Variants in STEAP4 observed in about 807,000 individuals in gnomAD.
The protein encoded by STEAP4 is metalloreductase STEAP4.
STEAP4 carries 36 observed loss-of-function variants against 43.6 expected under a neutral mutation model. That is an observed-to-expected ratio of 0.83 (90% CI 0.63 to 1.09). The LOEUF (loss-of-function observed/expected upper bound fraction) is 1.09, where lower values mean the gene tolerates loss of function less well. Ranked by LOEUF, STEAP4 falls within the 50% of genes least tolerant of loss-of-function variation. STEAP4 has a pLI of 0.00. For synonymous variants in STEAP4, 191 were observed against 196.7 expected (o/e 0.97, Z 0.24); for missense variants, 495 against 546.5 (o/e 0.91, Z 0.94).
chr7:88,282,686 A>G lies in STEAP4; in HGVS notation c.939T>C (p.Ile313=). The G allele has an allele frequency of 6.2e-7, 1 of 1,614,104 alleles. No individual in the cohort carries two copies. Among genetic ancestry groups the G allele is most frequent in the African/African-American group, 1.3e-5 (1 of 75,014 alleles). The change falls in exon 3 of 5, where the codon ATT becomes ATC. Residue 313 remains isoleucine, a synonymous_variant. Transcript: ENST00000380079. ...CCAATCTCCATCGTACATAATATCG[A>G]ATAGGAATCACAAGTGTGTAGAGGA... ...LHVLYTLVIP[I]RYYVRWRLGN...
intron 1 of STEAP4, among the ~76,000 whole-genome samples, chr7:88,303,222 G>A (rs892036820): frequency 4.1e-5 from 6 of 144,668 alleles, no homozygotes; most frequent in East Asian, 4.0e-4. Flanking sequence ...CCAACCGGGC[G>A]CGGTGGCTCA....
intron 1 of STEAP4, among the ~76,000 whole-genome samples, chr7:88,285,892 A>G (rs1191049516): frequency 6.6e-6 from 1 of 152,186 alleles, no homozygotes; most frequent in Non-Finnish European, 1.5e-5. Flanking sequence ...ATGAGAAAAC[A>G]GATTATTTAA....
chr7:88,283,365 G>T (rs1347919416), intron 2 of STEAP4, 197 bp from the exon 3 acceptor site: 2 of 569,454 alleles, frequency 3.5e-6, no homozygotes, highest in Non-Finnish European at 5.8e-6. Context: ...AAGTACCAGG[G>T]TTTTTAGTTG....
intron 4 of STEAP4, among the ~76,000 whole-genome samples, chr7:88,280,255 A>G (rs1852595046): frequency 6.6e-6 from 1 of 152,212 alleles, no homozygotes; most frequent in South Asian, 2.1e-4. Context: ...GCTCTTTTCT[A>G]TTATACTCAT....
Position 88,279,123 on chromosome 7 carries a change from C to A in STEAP4, c.*275G>T. 1 of 429,058 alleles carries A rather than the reference C, an allele frequency of 2.3e-6. No homozygotes were observed. Among genetic ancestry groups the A allele is most frequent in the Non-Finnish European group, 4.3e-6 (1 of 234,002 alleles). The allele number at this position is 429,058 out of a possible 1,614,324, so 26.6% of individuals were successfully genotyped here. On this transcript the variant is annotated 3_prime_UTR_variant, in exon 5 of 5. Transcript: ENST00000380079. ...ACAAGGAAACTCTTTAGTGTGAAAC[C>A]ACAAGGCTAGTCTCAATCTCAGCTC...
At chr7:88,306,112 A>C (rs1245550542) in intron 1 of STEAP4, among the ~76,000 whole-genome samples, 5 of 152,188 alleles carry the variant, frequency 3.3e-5, no homozygotes, top group Non-Finnish European at 5.9e-5. Flanking sequence ...CAAGTGATCC[A>C]TCGGCCTTGG....
chr7:88,296,107 C>A (rs1852918988), intron 1 of STEAP4, among the ~76,000 whole-genome samples: 1 of 152,158 alleles, frequency 6.6e-6, no homozygotes, highest in Non-Finnish European at 1.5e-5. Context: ...GAGTTGTCTT[C>A]CAAGAGCCAT....
chr7:88,305,913 C>A (rs1586757727), intron 1 of STEAP4, among the ~76,000 whole-genome samples: 1 of 152,156 alleles, frequency 6.6e-6, no homozygotes, highest in Admixed American at 6.5e-5. Context: ...TCCCCTCCCC[C>A]ATTCTCTATC....
chr7:88,280,278 T>A (rs1852595427), intron 4 of STEAP4, among the ~76,000 whole-genome samples: 1 of 152,194 alleles, frequency 6.6e-6, no homozygotes, highest in Non-Finnish European at 1.5e-5. Flanking sequence ...TAAGCATGCA[T>A]CAGAATCATC....
At chr7:88,305,524 G>C (rs568901689) in intron 1 of STEAP4, among the ~76,000 whole-genome samples, 12 of 152,324 alleles carry the variant, frequency 7.9e-5, no homozygotes, top group Non-Finnish European at 1.6e-4. Flanking sequence ...GCCATTTGTA[G>C]GGAATAGGAC....
In STEAP4 at chr7:88,277,693, C is replaced by T. The variant is rs1852535080; in HGVS notation, c.*1705G>A. 3 of 152,096 alleles carry T rather than the reference C, an allele frequency of 2.0e-5. No homozygotes were observed. Among genetic ancestry groups the T allele is most frequent in the Admixed American group, 2.0e-4 (3 of 15,250 alleles). 9.4% of individuals were successfully genotyped at this position (152,096 alleles called of 1,614,324 possible). Reference sequence around the variant, plus strand: ...TGACCAATGTGGTGAAACCCTGTCTCTACTAAAAGTACAAAAATTAGCTGG... The same window carrying T: ...TGACCAATGTGGTGAAACCCTGTCTTTACTAAAAGTACAAAAATTAGCTGG... On this transcript the variant is annotated 3_prime_UTR_variant, in exon 5 of 5. Transcript: ENST00000380079.
intron 1 of STEAP4, among the ~76,000 whole-genome samples, chr7:88,286,731 T>C (rs1852740989): frequency 6.6e-6 from 1 of 150,794 alleles, no homozygotes; most frequent in Admixed American, 6.6e-5. Flanking sequence ...AAAACTGCTG[T>C]GAGCAATTCC....
At position 88,276,491 on chromosome 7, in the gene STEAP4, A is replaced by C. The variant is rs1365296074; in HGVS notation, c.*2907T>G. 6.6e-6 allele frequency: 1 copy of C among 152,228 alleles called. No homozygotes were observed. The highest frequency in any genetic ancestry group is 2.4e-5 in the African/African-American group (1 of 41,454). 9.4% of individuals were successfully genotyped at this position (152,228 alleles called of 1,614,324 possible). ...AAAGCCATCATCCCTTAACATGGGG[A>C]AAGTGTACAAAAATAATGTGAAAGT... is the stretch of plus-strand genomic sequence containing the variant. On this transcript the variant is annotated 3_prime_UTR_variant, in exon 5 of 5. Transcript: ENST00000380079.
chr7:88,293,415 TC>T (rs71120022), intron 1 of STEAP4, among the ~76,000 whole-genome samples: 40,421 of 151,998 alleles, frequency 0.27, 6,348 homozygotes, highest in East Asian at 0.77. Flanking sequence ...CTTGTTTTTT[TC>T]ATGTCTTAAC....
intron 1 of STEAP4, among the ~76,000 whole-genome samples, chr7:88,289,689 A>G (rs1037711798): frequency 6.6e-6 from 1 of 152,218 alleles, no homozygotes; most frequent in Non-Finnish European, 1.5e-5. Flanking sequence ...TAATCTAATT[A>G]AGTACATCTG....
At chr7:88,281,339 A>G (rs1343801620) in intron 3 of STEAP4, 1 of 277,830 alleles carries the variant, frequency 3.6e-6, no homozygotes, top group African/African-American at 2.2e-5. Context: ...TCTAAAAGAC[A>G]GTAAACACTC....
intron 1 of STEAP4, among the ~76,000 whole-genome samples, chr7:88,291,734 A>C (rs1184809803): frequency 3.9e-5 from 6 of 152,170 alleles, no homozygotes; most frequent in African/African-American, 1.4e-4. Context: ...TAATAAAGAA[A>C]ATAATAAAAA....
rs1852681504 is a variant in STEAP4, at chr7:88,284,115, G to A, written c.155C>T (p.Pro52Leu). The A allele has an allele frequency of 6.2e-7, 1 of 1,613,882 alleles. No individual in the cohort carries two copies. The highest frequency in any genetic ancestry group is 8.5e-7 in the Non-Finnish European group (1 of 1,180,010). ...ACTGGGCAGTAGGGTGGTCTTCTGG[G>A]GGTTTCGACTTCCAAAAACAACAGA... is the stretch of plus-strand genomic sequence containing the variant. ...GYSVVFGSRNPQKTTLLPSGA... is the reference protein window; with the variant it reads ...GYSVVFGSRNLQKTTLLPSGA... Residue 52 changes from proline (P) to leucine (L), a missense_variant, in exon 2 of 5, where the codon CCC becomes CTC. Pro to Leu is a moderately conservative substitution (Grantham distance 98). Transcript: ENST00000380079.
chr7:88,281,011 C>A lies in STEAP4; in HGVS notation c.1053G>T (p.Leu351Phe). The A allele has an allele frequency of 6.2e-7, 1 of 1,613,336 alleles. No individual in the cohort carries two copies. Among genetic ancestry groups the A allele is most frequent in the Non-Finnish European group, 8.5e-7 (1 of 1,179,702 alleles). ...SAWLSDSYVA[L>F]GILGFFLFVL... ...CAAACAGAAAAAACCCAAGTATTCC[C>A]AAAGCCACATATGAATCACTGAGCC... is the stretch of plus-strand genomic sequence containing the variant. Residue 351 changes from leucine to phenylalanine, a missense_variant, in exon 4 of 5, where the codon TTG (leucine) becomes TTT (phenylalanine). Coordinates refer to ENST00000380079, the MANE Select transcript of STEAP4 (RefSeq NM_024636.4).
Sources: gnomAD v4.1 joint callset for allele counts (sites outside exome capture counted in the v4.1 genomes callset) on GRCh38, gnomAD v4.1.1 for gene constraint, MANE v1.5 for transcripts, NCBI Gene and HGNC (gene_info 2026-07-23, HGNC 2026-07-21) for gene names.